The following CDH4 variants were observed in gnomAD, a reference collection of about 807,000 sequenced individuals.
CDH4 encodes the protein cadherin-4.
CDH4 carries 33 observed loss-of-function variants against 86.0 expected under a neutral mutation model. That is an observed-to-expected ratio of 0.38 (90% confidence interval 0.29 to 0.51). CDH4 has a LOEUF of 0.51. Among genes scored for constraint, CDH4 ranks in the 20% least tolerant of loss-of-function variants. The probability of loss-of-function intolerance (pLI) is 0.86; values close to 1 mark genes in which losing one functional copy is unlikely to be tolerated. For missense variants in CDH4, 1,114 were observed against 1,307.4 expected (o/e 0.85, Z 2.28); for synonymous variants, 555 against 549.4 (o/e 1.01, Z -0.14).
intron 2 of CDH4, among the ~76,000 whole-genome samples, chr20:61,695,790 C>G (rs934587732): frequency 6.6e-6 from 1 of 152,234 alleles, no homozygotes; most frequent in Non-Finnish European, 1.5e-5. Flanking sequence ...TTTGCACCAA[C>G]CTCCTTCGTC....
intron 4 of CDH4, among the ~76,000 whole-genome samples, chr20:61,774,130 T>A (rs534217142): frequency 1.3e-5 from 2 of 152,322 alleles, no homozygotes; most frequent in South Asian, 4.1e-4. Flanking sequence ...TGCAAATGTA[T>A]CACCTGCCTT....
At chr20:61,924,238 G>A in intron 10 of CDH4, 96 bp from the exon 11 acceptor site, 2 of 1,273,390 alleles carry the variant, frequency 1.6e-6, no homozygotes. Flanking sequence ...ACTGGCCCAG[G>A]CCCAGGCCCT....
At chr20:61,656,079 A>G (rs1369977338) in intron 2 of CDH4, among the ~76,000 whole-genome samples, 1 of 152,186 alleles carries the variant, frequency 6.6e-6, no homozygotes, top group African/African-American at 2.4e-5. Context: ...GCTTTGGTGG[A>G]AAGTGTGGAT....
intron 2 of CDH4, among the ~76,000 whole-genome samples, chr20:61,511,328 T>G (rs1490737031): frequency 6.6e-6 from 1 of 152,244 alleles, no homozygotes. Flanking sequence ...TTACGTTTTC[T>G]GCATCCCCTC....
intron 2 of CDH4, among the ~76,000 whole-genome samples, chr20:61,467,841 A>G: frequency 6.6e-6 from 1 of 152,202 alleles, no homozygotes; most frequent in Admixed American, 6.5e-5. Flanking sequence ...CTTGGATTCG[A>G]TAATTCTCTA....
At chr20:61,347,853 G>A (rs913422939) in intron 2 of CDH4, among the ~76,000 whole-genome samples, 14 of 152,342 alleles carry the variant, frequency 9.2e-5, no homozygotes, top group African/African-American at 3.4e-4. Context: ...GGGAAGCATG[G>A]CGTTTGAACC....
intron 4 of CDH4, among the ~76,000 whole-genome samples, chr20:61,776,775 C>T (rs895047827): frequency 6.6e-6 from 1 of 152,170 alleles, no homozygotes; most frequent in Non-Finnish European, 1.5e-5. Context: ...ATGAGCGTCT[C>T]GGGACTGGCG....
At chr20:61,299,066 C>A (rs2084372363) in intron 2 of CDH4, among the ~76,000 whole-genome samples, 1 of 151,854 alleles carries the variant, frequency 6.6e-6, no homozygotes, top group South Asian at 2.1e-4. Context: ...GTGATCATAT[C>A]TGGAAAAAAA....
intron 2 of CDH4, among the ~76,000 whole-genome samples, chr20:61,431,751 G>A (rs551175209): frequency 1.3e-5 from 2 of 152,090 alleles, no homozygotes; most frequent in African/African-American, 2.4e-5. Flanking sequence ...TCAAGGTAGG[G>A]CATTTCCATT....
chr20:61,585,487 C>A (rs1273029918), intron 2 of CDH4, among the ~76,000 whole-genome samples: 1 of 152,226 alleles, frequency 6.6e-6, no homozygotes. Flanking sequence ...CCATTTCTGT[C>A]TTAATTTTCA....
At chr20:61,654,007 A>G (rs975252880) in intron 2 of CDH4, among the ~76,000 whole-genome samples, 3 of 151,822 alleles carry the variant, frequency 2.0e-5, no homozygotes, top group Non-Finnish European at 4.4e-5. Context: ...GACGCTCCTC[A>G]CTTCCCAGAC....
chr20:61,737,573 C>T lies in CDH4; in HGVS notation c.170-5990C>T, dbSNP rs879582. 9.0e-3 allele frequency among the ~76,000 whole-genome samples: 1,373 copies of T among 152,338 alleles called. 23 individuals carry two copies. The highest frequency in any genetic ancestry group is 0.031 in the African/African-American group (1,299 of 41,588). On this transcript the variant is annotated intron_variant, in intron 2 of 15. Coordinates refer to ENST00000614565, the MANE Select transcript of CDH4 (RefSeq NM_001794.5). ...CTGACCACCCTGGCCTCAGCCTGTG[C>T]GGTTCCCGGCAGACCCCGGTGTTCA...
Position 61,810,961 on chromosome 20 carries a change from A to G in CDH4, c.577-33707A>G, listed in dbSNP as rs748771586. Among the ~76,000 whole-genome samples the G allele has an allele frequency of 5.9e-5, 9 of 152,186 alleles. No homozygotes were observed. The highest frequency in any genetic ancestry group is 2.0e-4 in the Admixed American group (3 of 15,288). On this transcript the variant is annotated intron_variant, in intron 4 of 15. Transcript: ENST00000614565. This position sits in a 1 kb window ranked among gnomAD's most constrained non-coding sequence, Gnocchi z 4.3. The stretch of plus-strand genomic sequence containing the variant: ...GAGCCTGCGTTATCCTGCACTGCAA[A>G]TGATGCTGCATTTGTAACGGGAGCT...
intron 3 of CDH4, among the ~76,000 whole-genome samples, chr20:61,752,306 T>C (rs896666108): frequency 8.1e-6 from 1 of 122,866 alleles, no homozygotes; most frequent in African/African-American, 3.2e-5. Flanking sequence ...CACTCCAGCC[T>C]GGGCAACAGA....
intron 2 of CDH4, among the ~76,000 whole-genome samples, chr20:61,555,646 T>G (rs1334774079): frequency 1.3e-5 from 2 of 152,254 alleles, no homozygotes; most frequent in African/African-American, 2.4e-5. Context: ...AATCACACCC[T>G]TTATTCGACA....
At chr20:61,527,670 T>C (rs966942232) in intron 2 of CDH4, among the ~76,000 whole-genome samples, 2 of 152,212 alleles carry the variant, frequency 1.3e-5, no homozygotes, top group African/African-American at 4.8e-5. Flanking sequence ...TTGCAAAGCA[T>C]GCGTGCTGTT....
chr20:61,565,358 GGGTGA>G (rs1456426697), intron 2 of CDH4, among the ~76,000 whole-genome samples: 5 of 33,372 alleles, frequency 1.5e-4, no homozygotes, highest in South Asian at 2.8e-3. Flanking sequence ...CTTGGTGATG[GGGTGA>G]TGGTGGTGGT....
chr20:61,800,228 C>T (rs949321539), intron 4 of CDH4, among the ~76,000 whole-genome samples: 1 of 152,226 alleles, frequency 6.6e-6, no homozygotes, highest in African/African-American at 2.4e-5. Flanking sequence ...AAGACCAGAC[C>T]GCACTCCCTC....
chr20:61,466,345 GT>G (rs1336300806), intron 2 of CDH4, among the ~76,000 whole-genome samples: 3 of 152,178 alleles, frequency 2.0e-5, no homozygotes, highest in Non-Finnish European at 4.4e-5. Flanking sequence ...GTTAGAGAAT[GT>G]TTTCTCTTAA....
Sources: gnomAD v4.1 joint callset for allele counts (sites outside exome capture counted in the v4.1 genomes callset) on GRCh38, gnomAD v4.1.1 for gene constraint, Gnocchi (gnomAD v3.1) non-coding constraint, MANE v1.5 for transcripts, NCBI Gene and HGNC (gene_info 2026-07-23, HGNC 2026-07-21) for gene names.